Variants in UGT2A3 observed in about 807,000 individuals in gnomAD.
UGT2A3 encodes UDP-glucuronosyltransferase 2A3.
A neutral mutation model predicts 44.1 loss-of-function variants in UGT2A3; 55 were observed. The observed-to-expected ratio is 1.25, with a 90% CI of 1.00 to 1.56. UGT2A3 has a LOEUF of 1.56. Among genes scored for constraint, UGT2A3 ranks in the 40% most tolerant of loss-of-function variants. The pLI, the probability that UGT2A3 is intolerant of heterozygous loss-of-function variation, is 0.00. For synonymous variants in UGT2A3, 243 were observed against 215.1 expected (o/e 1.13, Z -1.13); for missense variants, 733 against 621.6 (o/e 1.18, Z -1.91).
At chr4:68,934,327 C>T (rs1161937406) in intron 2 of UGT2A3, among the ~76,000 whole-genome samples, 2 of 151,730 alleles carry the variant, frequency 1.3e-5, no homozygotes, top group East Asian at 3.9e-4. Flanking sequence ...ATCAAATAAA[C>T]AATTTATGAT....
intron 2 of UGT2A3, among the ~76,000 whole-genome samples, chr4:68,935,389 C>T (rs1717910611): frequency 6.7e-6 from 1 of 148,392 alleles, no homozygotes; most frequent in African/African-American, 2.5e-5. Flanking sequence ...TGCTGTTCTG[C>T]AGCCTCTTCT....
chr4:68,932,770 A>C lies in UGT2A3; in HGVS notation c.865-11T>G, dbSNP rs1309289010. The C allele has an allele frequency of 6.2e-7, 1 of 1,606,154 alleles. No individual in the cohort carries two copies. Among genetic ancestry groups the C allele is most frequent in the East Asian group, 2.2e-5 (1 of 44,758 alleles). On this transcript the variant is annotated splice_polypyrimidine_tract_variant and intron_variant, in intron 2 of 5. Transcript: ENST00000251566. ...AAAATTTTCCATTTCCTGAAGATAA[A>C]AATTTATCTGCATTACAGAGGCATA...
rs773079693 is a variant in UGT2A3, at chr4:68,929,957, G to C, written c.1440C>G (p.Asp480Glu). 3.7e-6 allele frequency: 6 copies of C among 1,613,508 alleles called. No individual in the cohort carries two copies. In the African/African-American group the frequency reaches 8.0e-5, roughly 22 times the overall value. Residue 480 changes from aspartate to glutamate, a missense_variant, in exon 6 of 6, where the codon GAC becomes GAG. Coordinates refer to ENST00000251566, the MANE Select transcript of UGT2A3 (RefSeq NM_024743.4). ...GAKHLRSAAHDLTWFQHYSID... is the reference protein window; with the variant it reads ...GAKHLRSAAHELTWFQHYSID... ...TAGAGTAGTGCTGGAACCAGGTGAGGTCATGGGCAGCTGATCGCAGGTGCT... is the reference window on the plus strand; with the variant it reads ...TAGAGTAGTGCTGGAACCAGGTGAGCTCATGGGCAGCTGATCGCAGGTGCT...
At chr4:68,939,411 T>A (rs1009136100) in intron 2 of UGT2A3, among the ~76,000 whole-genome samples, 1 of 152,188 alleles carries the variant, frequency 6.6e-6, no homozygotes, top group African/African-American at 2.4e-5. Context: ...TCTAACCATG[T>A]GATCTTTGAC....
rs1305856450 is a variant in UGT2A3 at position 68,929,762 on chromosome 4, G to C, written c.*51C>G. ...CAAGGTTTTCACCAAATTCTATGTGGCTGGAATTAACAGGATTACCCCATC... is the reference window on the plus strand; with the variant it reads ...CAAGGTTTTCACCAAATTCTATGTGCCTGGAATTAACAGGATTACCCCATC... On this transcript the variant is annotated 3_prime_UTR_variant, in exon 6 of 6. Transcript: ENST00000251566. 2 of 1,443,306 alleles carry C rather than the reference G, an allele frequency of 1.4e-6. No individual in the cohort carries two copies. The highest frequency in any genetic ancestry group is 2.3e-5 in the East Asian group (1 of 43,838). The allele number at this position is 1,443,306 out of a possible 1,614,324, so 89.4% of individuals were successfully genotyped here.
At chr4:68,940,781 A>T (rs1718155770) in intron 2 of UGT2A3, among the ~76,000 whole-genome samples, 1 of 145,928 alleles carries the variant, frequency 6.9e-6, no homozygotes. Context: ...ACATATATAT[A>T]ATATATATAT....
At chr4:68,934,888 A>T (rs1209586034) in intron 2 of UGT2A3, among the ~76,000 whole-genome samples, 5 of 151,720 alleles carry the variant, frequency 3.3e-5, no homozygotes, top group Non-Finnish European at 5.9e-5. Flanking sequence ...AAGGATTCTT[A>T]AAAAAAAGGA....
intron 1 of UGT2A3, among the ~76,000 whole-genome samples, chr4:68,948,281 C>T (rs1274794800): frequency 1.3e-5 from 2 of 151,742 alleles, no homozygotes; most frequent in Non-Finnish European, 2.9e-5. Context: ...CATTAGTCAA[C>T]CTCTACTAGC....
chr4:68,944,949 C>G (rs1406177172), intron 2 of UGT2A3, among the ~76,000 whole-genome samples: 1 of 151,724 alleles, frequency 6.6e-6, no homozygotes, highest in African/African-American at 2.4e-5. Flanking sequence ...TATTTCTGTA[C>G]TATCATGACA....
chr4:68,948,974 G>T (rs1718483484), intron 1 of UGT2A3, among the ~76,000 whole-genome samples: 1 of 151,950 alleles, frequency 6.6e-6, no homozygotes, highest in Admixed American at 6.6e-5. Context: ...GCCAGCAAGT[G>T]CAGGGATCAG....
chr4:68,936,678 A>G (rs1044578142), intron 2 of UGT2A3, among the ~76,000 whole-genome samples: 1 of 152,008 alleles, frequency 6.6e-6, no homozygotes, highest in Non-Finnish European at 1.5e-5. Flanking sequence ...ATCAGCTAAC[A>G]TCACAATGAC....
intron 2 of UGT2A3, among the ~76,000 whole-genome samples, chr4:68,933,719 T>C (rs1289090457): frequency 2.6e-5 from 4 of 152,158 alleles, no homozygotes; most frequent in Middle Eastern, 3.4e-3. Flanking sequence ...GGTTAGTAAC[T>C]AAGTTCCAGT....
Position 68,951,261 on chromosome 4 carries a change from A to G in UGT2A3, c.500T>C (p.Val167Ala), listed in dbSNP as rs776885131. 5 of 1,611,592 alleles carry G rather than the reference A, an allele frequency of 3.1e-6. No homozygotes were observed. In the African/African-American group the frequency reaches 4.0e-5, roughly 13 times the overall value. ...LMAELLAVPF[V>A]LTLRISVGGN... Reference sequence around the variant, plus strand: ...TCCTACAGAAATTCTAAGTGTGAGCACAAAAGGGACTGCAAGCAACTCAGC... The same window carrying G: ...TCCTACAGAAATTCTAAGTGTGAGCGCAAAAGGGACTGCAAGCAACTCAGC... Residue 167 changes from valine to alanine, a missense_variant, in exon 1 of 6, where the codon GTG becomes GCG. Coordinates refer to ENST00000251566, the MANE Select transcript of UGT2A3 (RefSeq NM_024743.4).
intron 2 of UGT2A3, among the ~76,000 whole-genome samples, chr4:68,939,499 T>C (rs185649009): frequency 1.3e-5 from 2 of 152,254 alleles, no homozygotes; most frequent in East Asian, 1.9e-4. Context: ...TAGCCATATG[T>C]AGAAAGTTGA....
At position 68,929,874 on chromosome 4, in the gene UGT2A3, T is replaced by A. The variant is rs557800068; in HGVS notation, c.1523A>T (p.Lys508Ile). The change falls in exon 6 of 6, where the codon AAA becomes ATA. Residue 508 changes from lysine (K) to isoleucine (I), a missense_variant. Coordinates refer to ENST00000251566, the MANE Select transcript of UGT2A3 (RefSeq NM_024743.4). ...CVATAIFLFT[K>I]CFLFSCQKFN... ...TTTTTGACAGGAAAATAAAAAACAT[T>A]TTGTGAACAAGAATATAGCAGTTGC... 34 of 1,610,210 alleles carry A rather than the reference T, an allele frequency of 2.1e-5. No individual in the cohort carries two copies. In the East Asian group the frequency reaches 6.7e-4, roughly 32 times the overall value.
Position 68,930,098 on chromosome 4 carries a change from AG to A in UGT2A3, c.1305-7del, listed in dbSNP as rs1435652673. ...TCATAGCATTCTCTTTATAACTGGA[AG>A]GGAAAAACACACATAGAACTTAGAA... On this transcript the variant is annotated splice_region_variant and splice_polypyrimidine_tract_variant and intron_variant, in intron 5 of 5. Coordinates refer to ENST00000251566, the MANE Select transcript of UGT2A3 (RefSeq NM_024743.4). The A allele has an allele frequency of 6.2e-7, 1 of 1,601,204 alleles. No homozygotes were observed. Among genetic ancestry groups the A allele is most frequent in the East Asian group, 2.2e-5 (1 of 44,668 alleles).
chr4:68,935,030 A>T (rs975691057), intron 2 of UGT2A3, among the ~76,000 whole-genome samples: 1 of 151,760 alleles, frequency 6.6e-6, no homozygotes, highest in Admixed American at 6.6e-5. Flanking sequence ...TGAAGAAATA[A>T]AAACAAGGAG....
At chr4:68,941,955 G>A (rs573768010) in intron 2 of UGT2A3, among the ~76,000 whole-genome samples, 1 of 151,802 alleles carries the variant, frequency 6.6e-6, no homozygotes, top group South Asian at 2.1e-4. Flanking sequence ...CCCCTGTTAT[G>A]GCTATTATCA....
chr4:68,939,232 C>G (rs773144335), intron 2 of UGT2A3, among the ~76,000 whole-genome samples: 2 of 152,114 alleles, frequency 1.3e-5, no homozygotes, highest in African/African-American at 4.8e-5. Context: ...AATGAGCCTG[C>G]ATTGCCAAGA....
Sources: allele counts gnomAD v4.1 joint callset (sites outside exome capture counted in the v4.1 genomes callset), GRCh38; gene constraint gnomAD v4.1.1; transcripts MANE v1.5; gene names NCBI Gene and HGNC (gene_info 2026-07-23, HGNC 2026-07-21).